Variants in OR56A3 observed in about 807,000 individuals in gnomAD.
OR56A3 encodes the protein olfactory receptor family 56 subfamily A member 3.
OR56A3 carries 23 observed loss-of-function variants against 17.5 expected under a neutral mutation model. The ratio of observed to expected loss-of-function variants is 1.32; its 90% CI spans 0.95 to 1.87. The LOEUF is 1.87. Ranked by LOEUF, OR56A3 falls within the 40% of genes most tolerant of loss-of-function variation. The pLI, the probability that OR56A3 is intolerant of heterozygous loss-of-function variation, is 0.00. For synonymous variants in OR56A3, 175 were observed against 150.6 expected, an observed-to-expected ratio of 1.16 and a Z score of -1.19; for missense variants, 366 against 380.1, an observed-to-expected ratio of 0.96 and a Z score of 0.31.
chr11:5,974,169 C>T, the OR56A3 span, among the ~76,000 whole-genome samples: 5 of 151,012 alleles, frequency 3.3e-5, no homozygotes, highest in African/African-American at 4.9e-5. Context: ...TGCAGTGGCA[C>T]GATCTCGGCT....
the OR56A3 span, among the ~76,000 whole-genome samples, chr11:5,988,652 T>C: frequency 6.8e-6 from 1 of 146,972 alleles, no homozygotes; most frequent in African/African-American, 2.7e-5. Flanking sequence ...CACAGGCTTC[T>C]TTCTTTTCTT....
At chr11:5,985,983 C>A in the OR56A3 span, 3 of 1,612,040 alleles carry the variant, frequency 1.9e-6, no homozygotes, top group South Asian at 1.1e-5. Context: ...GCTGGCGGAT[C>A]TGCTGAGTCT....
At chr11:5,975,462 G>T in the OR56A3 span, among the ~76,000 whole-genome samples, 2 of 149,316 alleles carry the variant, frequency 1.3e-5, no homozygotes, top group Admixed American at 1.3e-4. Context: ...GCAGTGTTTG[G>T]TTTTTTGTCC....
the OR56A3 span, chr11:6,002,172 T>A: frequency 3.7e-6 from 6 of 1,614,056 alleles, no homozygotes; most frequent in East Asian, 1.1e-4. Context: ...GATGGGGACA[T>A]CTGGAGGAAT....
chr11:5,994,447 G>C, the OR56A3 span: 1 of 736,894 alleles, frequency 1.4e-6, no homozygotes, highest in African/African-American at 1.7e-5. Context: ...CCTGAGATTT[G>C]GGGGCATCTG....
the OR56A3 span, among the ~76,000 whole-genome samples, chr11:5,996,199 G>A: frequency 2.8e-4 from 43 of 152,068 alleles, no homozygotes; most frequent in African/African-American, 9.9e-4. Context: ...TTTGGTACAT[G>A]TAATATATAC....
chr11:5,950,627 A>G lies in OR56A3; in HGVS notation c.*2333A>G, dbSNP rs1286480949. On this transcript the variant is annotated 3_prime_UTR_variant, in exon 3 of 3. Coordinates refer to ENST00000641160, the MANE Select transcript of OR56A3 (RefSeq NM_001003443.3). ...ACACATGTTGAAAAAGTAGAAACAG[A>G]CAAAATTAGTTCTAATAAGATATTT... 1 of 152,176 alleles carries G rather than the reference A, an allele frequency of 6.6e-6. No individual in the cohort carries two copies. The highest frequency in any genetic ancestry group is 1.5e-5 in the Non-Finnish European group (1 of 67,988). The allele number at this position is 152,176 out of a possible 1,614,324, so 9.4% of individuals were successfully genotyped here.
chr11:5,998,211 G>T, the OR56A3 span, among the ~76,000 whole-genome samples: 4 of 152,138 alleles, frequency 2.6e-5, no homozygotes, highest in Non-Finnish European at 5.9e-5. Context: ...GAAACCTTGG[G>T]TTGGGTATCA....
the OR56A3 span, among the ~76,000 whole-genome samples, chr11:5,992,584 G>T: frequency 6.6e-6 from 1 of 152,176 alleles, no homozygotes. Context: ...CCTCAGGTGA[G>T]TTGAGCATTT....
the OR56A3 span, among the ~76,000 whole-genome samples, chr11:5,975,256 T>C: frequency 6.6e-6 from 1 of 152,178 alleles, no homozygotes; most frequent in Non-Finnish European, 1.5e-5. Flanking sequence ...GTGCACAACG[T>C]GCAGGTTTGT....
At chr11:5,960,818 G>A in the OR56A3 span, among the ~76,000 whole-genome samples, 37,640 of 151,276 alleles carry the variant, frequency 0.25, 4,712 homozygotes, top group Non-Finnish European at 0.27. Flanking sequence ...AGTGAGGAGC[G>A]TCTCTGCCCG....
At chr11:5,954,739 T>A (rs911581801), downstream of OR56A3, among the ~76,000 whole-genome samples, 7 of 152,126 alleles carry the variant, frequency 4.6e-5, no homozygotes, top group African/African-American at 1.4e-4. Context: ...AAACAGAAAG[T>A]ATGAAACAAT....
the OR56A3 span, among the ~76,000 whole-genome samples, chr11:6,013,795 G>T: frequency 6.6e-6 from 1 of 152,052 alleles, no homozygotes; most frequent in African/African-American, 2.4e-5. Flanking sequence ...GGCCAGCATT[G>T]TCTGCCACCA....
At chr11:6,010,835 G>A in the OR56A3 span, among the ~76,000 whole-genome samples, 5 of 151,936 alleles carry the variant, frequency 3.3e-5, no homozygotes, top group African/African-American at 1.2e-4. Context: ...GTGTGTGTGT[G>A]TGTGTGTGTG....
the OR56A3 span, among the ~76,000 whole-genome samples, chr11:5,970,237 A>G: frequency 5.9e-5 from 9 of 152,240 alleles, no homozygotes; most frequent in Admixed American, 5.2e-4. Flanking sequence ...AGATATACTT[A>G]TGGAGAATAT....
chr11:5,951,603 T>A (rs949929467), downstream of OR56A3, among the ~76,000 whole-genome samples: 1 of 152,172 alleles, frequency 6.6e-6, no homozygotes, highest in African/African-American at 2.4e-5. Context: ...TTTTCTCCTG[T>A]ATCCAGAAAA....
At chr11:6,009,778 C>G in the OR56A3 span, among the ~76,000 whole-genome samples, 1 of 152,200 alleles carries the variant, frequency 6.6e-6, no homozygotes, top group East Asian at 1.9e-4. Flanking sequence ...GCTCCTGAAT[C>G]TGAAGATAAT....
chr11:6,004,210 G>C, the OR56A3 span, among the ~76,000 whole-genome samples: 1 of 152,098 alleles, frequency 6.6e-6, no homozygotes, highest in African/African-American at 2.4e-5. Context: ...AAATTAGCTG[G>C]GTGTGGTGGT....
At chr11:5,963,424 GAAGGAGAGCTTTGCT>G in the OR56A3 span, among the ~76,000 whole-genome samples, 8 of 151,884 alleles carry the variant, frequency 5.3e-5, no homozygotes, top group Non-Finnish European at 4.4e-5. Flanking sequence ...CTTCATTTTT[GAAGGAGAGCTTTGCT>G]AGGTATAGTA....
Sources: gnomAD v4.1 joint callset for allele counts (sites outside exome capture counted in the v4.1 genomes callset) on GRCh38, gnomAD v4.1.1 for gene constraint, MANE v1.5 for transcripts, NCBI Gene and HGNC (gene_info 2026-07-23, HGNC 2026-07-21) for gene names.